Variants in FBXL17 observed in about 807,000 individuals in gnomAD.
The protein encoded by FBXL17 is F-box and leucine rich repeat protein 17, also known as F-box/LRR-repeat protein 17.
In FBXL17, 22 loss-of-function variants were observed where a neutral mutation model predicts 66.2. The observed-to-expected ratio is 0.33, with a 90% confidence interval of 0.24 to 0.47. The LOEUF is 0.47. Ranked by LOEUF, FBXL17 falls within the 20% of genes least tolerant of loss-of-function variation. The pLI is 1.00. For missense variants in FBXL17, 878 were observed against 948.2 expected (o/e 0.93, Z 0.97); for synonymous variants, 474 against 400.5 (o/e 1.18, Z -2.19).
intron 6 of FBXL17, among the ~76,000 whole-genome samples, chr5:108,064,347 T>C (rs1373345246): frequency 6.6e-6 from 1 of 152,230 alleles, no homozygotes; most frequent in Admixed American, 6.5e-5. Flanking sequence ...TCTTGGGATT[T>C]GAGCTCATTT....
At chr5:108,271,087 CA>C (rs146895612) in intron 4 of FBXL17, among the ~76,000 whole-genome samples, 63,090 of 137,738 alleles carry the variant, frequency 0.46, 13,904 homozygotes, top group Non-Finnish European at 0.52. Context: ...AAAGACAATG[CA>C]AAAAAAAAAA....
At chr5:108,009,259 T>TAATATATATATATA (rs1491338610) in intron 7 of FBXL17, among the ~76,000 whole-genome samples, 2 of 10,098 alleles carry the variant, frequency 2.0e-4, no homozygotes, top group African/African-American at 2.8e-4. Context: ...TTGTTCCCTG[T>TAATATATATATATA]TTTATATATA....
chr5:108,294,242 C>T (rs1277599896), intron 4 of FBXL17, among the ~76,000 whole-genome samples: 1 of 138,138 alleles, frequency 7.2e-6, no homozygotes, highest in Non-Finnish European at 1.5e-5. Context: ...TATATTCTTA[C>T]TGAATATATA....
intron 4 of FBXL17, among the ~76,000 whole-genome samples, chr5:108,256,470 A>G (rs1358805403): frequency 1.3e-5 from 2 of 151,916 alleles, no homozygotes; most frequent in African/African-American, 4.8e-5. Context: ...CACCACCTCT[A>G]CCCTATTTCC....
At position 108,292,013 on chromosome 5, in the gene FBXL17, A is replaced by G. The variant is rs987200654; in HGVS notation, c.1506+56386T>C. Among the ~76,000 whole-genome samples, 11 of 152,224 alleles carry G rather than the reference A, an allele frequency of 7.2e-5. No homozygotes were observed. The East Asian group carries it at 1.9e-3, about 27-fold the overall frequency. ...TATCTCCATCCTCTACAGAATGATC[A>G]GAATAATAATTCAAAAATGTAAATG... On this transcript the variant is annotated intron_variant, in intron 4 of 8. Transcript: ENST00000542267.
At chr5:107,872,941 TAC>T (rs1748505694) in intron 8 of FBXL17, among the ~76,000 whole-genome samples, 1 of 152,186 alleles carries the variant, frequency 6.6e-6, no homozygotes, top group Non-Finnish European at 1.5e-5. Context: ...ACGGAGTGGT[TAC>T]CATATGGATG....
intron 7 of FBXL17, among the ~76,000 whole-genome samples, chr5:108,000,793 G>T: frequency 6.6e-6 from 1 of 152,182 alleles, no homozygotes; most frequent in Middle Eastern, 3.4e-3. Flanking sequence ...TCAACCTTCC[G>T]TTCTTGAAAT....
intron 6 of FBXL17, among the ~76,000 whole-genome samples, chr5:108,046,011 C>T (rs533980177): frequency 6.6e-6 from 1 of 152,274 alleles, no homozygotes; most frequent in Middle Eastern, 3.4e-3. Context: ...TGTTTCCTTG[C>T]TGATATTTTC....
intron 7 of FBXL17, among the ~76,000 whole-genome samples, chr5:107,903,781 A>G (rs994713605): frequency 6.6e-6 from 1 of 152,152 alleles, no homozygotes; most frequent in African/African-American, 2.4e-5. Flanking sequence ...CCATCCTAAC[A>G]CAAAATGCAA....
At chr5:108,315,402 G>A (rs561436252) in intron 4 of FBXL17, among the ~76,000 whole-genome samples, 38 of 150,930 alleles carry the variant, frequency 2.5e-4, no homozygotes, top group Non-Finnish European at 4.5e-4. Context: ...TGTAATTTAC[G>A]GATAAATTTA....
chr5:108,020,806 G>A (rs1754568103), intron 7 of FBXL17, 119 bp downstream of exon 7: 7 of 697,622 alleles, frequency 1.0e-5, no homozygotes, highest in Admixed American at 2.3e-5. Context: ...TGGTCACAAT[G>A]AGCATAAGTG....
intron 6 of FBXL17, among the ~76,000 whole-genome samples, chr5:108,137,774 C>A (rs1288567169): frequency 6.6e-6 from 1 of 152,106 alleles, no homozygotes; most frequent in South Asian, 2.1e-4. Flanking sequence ...TTATTTCATA[C>A]AATGTTTCTT....
chr5:108,340,017 T>C (rs902783485), intron 4 of FBXL17, among the ~76,000 whole-genome samples: 3 of 152,030 alleles, frequency 2.0e-5, no homozygotes, highest in African/African-American at 7.2e-5. Flanking sequence ...CTGTCTTCCA[T>C]ACGACACTGG....
chr5:108,088,389 T>C (rs1379059974), intron 6 of FBXL17, among the ~76,000 whole-genome samples: 1 of 152,112 alleles, frequency 6.6e-6, no homozygotes, highest in Non-Finnish European at 1.5e-5. Flanking sequence ...TCCTTTGACT[T>C]CTACCACACT....
chr5:108,105,185 C>A (rs1749749743), intron 6 of FBXL17, among the ~76,000 whole-genome samples: 1 of 151,986 alleles, frequency 6.6e-6, no homozygotes, highest in South Asian at 2.1e-4. Flanking sequence ...CAAAAAATAG[C>A]AGTAAATAAA....
chr5:108,364,210 C>G (rs1256728390), intron 3 of FBXL17, among the ~76,000 whole-genome samples: 1 of 151,922 alleles, frequency 6.6e-6, no homozygotes, highest in Non-Finnish European at 1.5e-5. Context: ...AGCCAAGAAA[C>G]CTTAAATGCC....
intron 4 of FBXL17, among the ~76,000 whole-genome samples, chr5:108,336,793 T>C (rs1486589152): frequency 6.6e-6 from 1 of 152,136 alleles, no homozygotes; most frequent in Non-Finnish European, 1.5e-5. Context: ...GAAAAATCAC[T>C]TGATATTGCT....
chr5:107,980,664 A>ATATATATATATATATATATATTTTTTT, intron 7 of FBXL17, among the ~76,000 whole-genome samples: 2 of 62,076 alleles, frequency 3.2e-5, no homozygotes, highest in Admixed American at 1.7e-4. Flanking sequence ...ATATATATAT[A>ATATATATATATATATATATATTTTTTT]TTTTTTTTTT....
intron 6 of FBXL17, among the ~76,000 whole-genome samples, chr5:108,028,485 G>A (rs542893460): frequency 4.6e-5 from 7 of 152,194 alleles, no homozygotes; most frequent in African/African-American, 1.7e-4. Flanking sequence ...GAATATAAAA[G>A]CACTCAGAAG....
Sources: allele counts gnomAD v4.1 joint callset (sites outside exome capture counted in the v4.1 genomes callset), GRCh38; gene constraint gnomAD v4.1.1; transcripts MANE v1.5; gene names NCBI Gene and HGNC (gene_info 2026-07-23, HGNC 2026-07-21).